Variants in RSPH14 observed in about 807,000 individuals in gnomAD.
RSPH14 encodes rhabdoid tumor deletion region gene 1.
RSPH14 carries 20 observed loss-of-function variants against 26.7 expected under a neutral mutation model. The ratio of observed to expected loss-of-function variants is 0.75; its 90% CI spans 0.53 to 1.09. RSPH14 has a LOEUF of 1.09. Among genes scored for constraint, RSPH14 ranks in the 50% least tolerant of loss-of-function variants. The probability of loss-of-function intolerance (pLI) is 0.00; values close to 1 mark genes in which losing one functional copy is unlikely to be tolerated. For missense variants in RSPH14, 449 were observed against 457.2 expected (o/e 0.98, Z 0.16); for synonymous variants, 177 against 189.3 (o/e 0.93, Z 0.53).
chr22:23,105,878 C>T (rs1452193378), intron 4 of RSPH14, among the ~76,000 whole-genome samples: 1 of 152,210 alleles, frequency 6.6e-6, no homozygotes, highest in African/African-American at 2.4e-5. Context: ...TGGAAGAGGC[C>T]AGTCCTCCCA....
chr22:23,145,298 CTCTCCAGGG>C, upstream of RSPH14: 2 of 1,377,694 alleles, frequency 1.5e-6, no homozygotes, highest in South Asian at 1.2e-5. Flanking sequence ...TGATCTCCGG[CTCTCCAGGG>C]TGTCCAGGAG....
At chr22:23,095,519 G>A (rs546134872) in intron 4 of RSPH14, 143 of 667,764 alleles carry the variant, frequency 2.1e-4, no homozygotes, top group Non-Finnish European at 3.1e-4. Flanking sequence ...GCGCCATGCC[G>A]GCTGGAGAAG....
At chr22:23,177,379 T>C in the RSPH14 span, among the ~76,000 whole-genome samples, 1 of 152,192 alleles carries the variant, frequency 6.6e-6, no homozygotes, top group Non-Finnish European at 1.5e-5. Context: ...CTCCAGGCCA[T>C]GCACACATCT....
At chr22:23,130,254 G>A (rs1442327929) in intron 4 of RSPH14, among the ~76,000 whole-genome samples, 5 of 151,540 alleles carry the variant, frequency 3.3e-5, no homozygotes, top group Admixed American at 3.3e-4. Context: ...AGGAGATCGA[G>A]ACCATCCTGG....
the RSPH14 span, chr22:23,180,614 G>A: frequency 7.8e-5 from 14 of 178,806 alleles, no homozygotes; most frequent in Non-Finnish European, 1.4e-4. Flanking sequence ...GGGCTGTGGG[G>A]CGGTGCGGAA....
chr22:23,099,555 A>T (rs1173778950), intron 4 of RSPH14, among the ~76,000 whole-genome samples: 1 of 152,108 alleles, frequency 6.6e-6, no homozygotes, highest in Non-Finnish European at 1.5e-5. Flanking sequence ...TATTTTTGTC[A>T]CAGATCGAGG....
intron 4 of RSPH14, among the ~76,000 whole-genome samples, chr22:23,090,801 C>G (rs1294559189): frequency 6.6e-6 from 1 of 152,220 alleles, no homozygotes; most frequent in East Asian, 1.9e-4. Flanking sequence ...CACTGGGCAC[C>G]TTCTGCCACT....
intron 4 of RSPH14, among the ~76,000 whole-genome samples, chr22:23,115,720 T>G (rs962712565): frequency 6.6e-6 from 1 of 152,216 alleles, no homozygotes; most frequent in African/African-American, 2.4e-5. Flanking sequence ...CCACCTGAAG[T>G]TGGGGGCCGG....
intron 4 of RSPH14, among the ~76,000 whole-genome samples, chr22:23,091,886 C>T (rs2068990628): frequency 6.6e-6 from 1 of 152,196 alleles, no homozygotes; most frequent in African/African-American, 2.4e-5. Flanking sequence ...AGTCCAGCCA[C>T]TCTGACCTTC....
At chr22:23,083,692 G>A (rs1047190376) in intron 4 of RSPH14, among the ~76,000 whole-genome samples, 5 of 152,190 alleles carry the variant, frequency 3.3e-5, no homozygotes, top group African/African-American at 1.2e-4. Flanking sequence ...GTCAGGGAAG[G>A]TGCCTGCAGG....
intron 4 of RSPH14, among the ~76,000 whole-genome samples, chr22:23,116,085 C>A (rs2069826156): frequency 6.6e-6 from 1 of 152,288 alleles, no homozygotes; most frequent in Non-Finnish European, 1.5e-5. Context: ...CTGTCATGTG[C>A]TCACCACGTG....
intron 4 of RSPH14, among the ~76,000 whole-genome samples, chr22:23,111,368 T>G (rs1181179897): frequency 6.6e-6 from 1 of 152,200 alleles, no homozygotes; most frequent in Non-Finnish European, 1.5e-5. Context: ...GCAAGCGCAC[T>G]GGACTCGGTT....
At chr22:23,170,889 C>T in the RSPH14 span, among the ~76,000 whole-genome samples, 2 of 152,042 alleles carry the variant, frequency 1.3e-5, no homozygotes, top group African/African-American at 4.8e-5. Flanking sequence ...CTATGTTCCC[C>T]AGGCTGGCGT....
intron 3 of RSPH14, among the ~76,000 whole-genome samples, chr22:23,137,139 T>A (rs978552061): frequency 7.2e-6 from 1 of 139,138 alleles, no homozygotes; most frequent in Non-Finnish European, 1.6e-5. Flanking sequence ...CTAGCAGGGC[T>A]GAGTGACTTT....
chr22:23,139,023 A>G, intron 2 of RSPH14, 81 bp from the exon 3 acceptor site: 1 of 1,103,492 alleles, frequency 9.1e-7, no homozygotes, highest in Non-Finnish European at 1.3e-6. Flanking sequence ...GAAGTCAATA[A>G]GTGGGCCAGT....
intron 6 of RSPH14, among the ~76,000 whole-genome samples, chr22:23,060,049 G>C (rs2068059389): frequency 6.6e-6 from 1 of 152,180 alleles, no homozygotes; most frequent in African/African-American, 2.4e-5. Context: ...TGTAGTGACA[G>C]GTGCCTACAG....
chr22:23,101,329 C>T (rs575949176), intron 4 of RSPH14, among the ~76,000 whole-genome samples: 1 of 152,276 alleles, frequency 6.6e-6, no homozygotes, highest in Admixed American at 6.5e-5. Context: ...CATACTGGTC[C>T]CACATCCTGT....
intron 4 of RSPH14, among the ~76,000 whole-genome samples, chr22:23,073,502 T>C (rs2068427709): frequency 6.6e-6 from 1 of 152,096 alleles, no homozygotes; most frequent in African/African-American, 2.4e-5. Flanking sequence ...CCATCCTAGG[T>C]CCAGCCCCTT....
At chr22:23,098,561 G>A (rs977948962) in intron 4 of RSPH14, among the ~76,000 whole-genome samples, 1 of 152,214 alleles carries the variant, frequency 6.6e-6, no homozygotes, top group Admixed American at 6.5e-5. Flanking sequence ...CTAAAGGGAG[G>A]GGCTGGCAGC....
Sources: gnomAD v4.1 joint callset for allele counts (sites outside exome capture counted in the v4.1 genomes callset) on GRCh38, gnomAD v4.1.1 for gene constraint, MANE v1.5 for transcripts, NCBI Gene and HGNC (gene_info 2026-07-23, HGNC 2026-07-21) for gene names.